The following RANBP2 variants were observed in gnomAD, a reference collection of about 807,000 sequenced individuals.
RANBP2 encodes the protein RAN binding protein 2.
Under a neutral mutation model 303.6 loss-of-function variants are expected in RANBP2, and 57 were observed. The observed-to-expected ratio is 0.19, with a 90% confidence interval of 0.15 to 0.23. The LOEUF is 0.23. Among genes scored for constraint, RANBP2 ranks in the 10% least tolerant of loss-of-function variants. The pLI is 1.00. For missense variants in RANBP2, 3,138 were observed against 3,780.8 expected (o/e 0.83, Z 4.46); for synonymous variants, 1,167 against 1,301.5 (o/e 0.90, Z 2.23).
chr2:109,286,124 GC>G, the RANBP2 span, among the ~76,000 whole-genome samples: 2 of 152,160 alleles, frequency 1.3e-5, no homozygotes, highest in African/African-American at 4.8e-5. Context: ...GACCCTGCAG[GC>G]CTGGTGCTTT....
chr2:108,950,608 C>T, the RANBP2 span, among the ~76,000 whole-genome samples: 1 of 152,220 alleles, frequency 6.6e-6, no homozygotes, highest in Non-Finnish European at 1.5e-5. Context: ...CACCACAAAG[C>T]TCCAAGTCTG....
the RANBP2 span, among the ~76,000 whole-genome samples, chr2:109,402,149 G>C: frequency 6.6e-6 from 1 of 152,248 alleles, no homozygotes; most frequent in African/African-American, 2.4e-5. Flanking sequence ...GTCTGGATGT[G>C]CCCAGAGACC....
chr2:109,090,310 TCA>T, the RANBP2 span, among the ~76,000 whole-genome samples: 3,296 of 109,642 alleles, frequency 0.03, 65 homozygotes, highest in African/African-American at 0.06. Context: ...ACACCTCGCC[TCA>T]CACACACACA....
chr2:109,736,034 A>T, the RANBP2 span, among the ~76,000 whole-genome samples: 1 of 152,234 alleles, frequency 6.6e-6, no homozygotes, highest in African/African-American at 2.4e-5. Flanking sequence ...AGCAGAGCAC[A>T]ATTTCACGTG....
the RANBP2 span, among the ~76,000 whole-genome samples, chr2:108,938,786 T>TTC: frequency 6.1e-5 from 8 of 130,792 alleles, no homozygotes; most frequent in Non-Finnish European, 9.6e-5. Context: ...TAGGACTTCT[T>TTC]CCCCCCCCGC....
At chr2:109,132,670 T>A in the RANBP2 span, among the ~76,000 whole-genome samples, 1 of 152,254 alleles carries the variant, frequency 6.6e-6, no homozygotes, top group African/African-American at 2.4e-5. Flanking sequence ...ATGTGTTACT[T>A]CTTGAAGTGA....
At position 108,766,275 on chromosome 2, in the gene RANBP2, T is replaced by C; in HGVS notation, c.5736T>C (p.Ser1912=). 1 of 1,612,198 alleles carries C rather than the reference T, an allele frequency of 6.2e-7. No individual in the cohort carries two copies. Among genetic ancestry groups the C allele is most frequent in the Non-Finnish European group, 8.5e-7 (1 of 1,179,996 alleles). ...ISEPGNQEKK[S]EKPLENGTGF... ...AACCAGGAAATCAAGAAAAGAAAAG[T>C]GAAAAGCCTCTTGAAAATGGTACTG... The change falls in exon 20 of 29, where the codon AGT becomes AGC. Residue 1912 remains serine, a synonymous_variant. Transcript: ENST00000283195.
the RANBP2 span, among the ~76,000 whole-genome samples, chr2:109,487,019 G>A: frequency 6.6e-5 from 10 of 152,274 alleles, no homozygotes; most frequent in African/African-American, 1.9e-4. Context: ...CAACAGAGAG[G>A]AGTGCAGGCC....
the RANBP2 span, among the ~76,000 whole-genome samples, chr2:109,124,094 T>G: frequency 6.6e-6 from 1 of 152,016 alleles, no homozygotes; most frequent in Non-Finnish European, 1.5e-5. Flanking sequence ...TGCTGCAGCC[T>G]CCACCTCCCG....
At chr2:109,588,619 G>A in the RANBP2 span, among the ~76,000 whole-genome samples, 5 of 151,968 alleles carry the variant, frequency 3.3e-5, no homozygotes, top group Non-Finnish European at 7.4e-5. Context: ...TCAGCCTCAC[G>A]AGTAGCTGGG....
chr2:109,083,027 T>C, the RANBP2 span, among the ~76,000 whole-genome samples: 23 of 150,616 alleles, frequency 1.5e-4, no homozygotes, highest in Admixed American at 1.5e-3. Flanking sequence ...GGGGTTTCGC[T>C]ATGTTAGCCA....
At chr2:109,557,371 CTATT>C in the RANBP2 span, among the ~76,000 whole-genome samples, 7 of 152,188 alleles carry the variant, frequency 4.6e-5, no homozygotes, top group Middle Eastern at 3.4e-3. Flanking sequence ...TTTATGTTGA[CTATT>C]TAATTCCCAC....
the RANBP2 span, among the ~76,000 whole-genome samples, chr2:109,648,532 G>A: frequency 6.6e-6 from 1 of 152,058 alleles, no homozygotes; most frequent in Non-Finnish European, 1.5e-5. Flanking sequence ...TAGTAGAGAT[G>A]GGGTTTCACT....
the RANBP2 span, among the ~76,000 whole-genome samples, chr2:109,488,367 C>T: frequency 6.6e-6 from 1 of 152,214 alleles, no homozygotes; most frequent in Non-Finnish European, 1.5e-5. Context: ...GAGGCAAGGT[C>T]ACCCTCTCAT....
At chr2:109,428,282 T>C in the RANBP2 span, among the ~76,000 whole-genome samples, 1 of 152,276 alleles carries the variant, frequency 6.6e-6, no homozygotes, top group Non-Finnish European at 1.5e-5. Context: ...GCGAAGGCAC[T>C]AAAATACTTT....
At chr2:109,264,149 GC>G in the RANBP2 span, among the ~76,000 whole-genome samples, 12 of 148,676 alleles carry the variant, frequency 8.1e-5, no homozygotes, top group Admixed American at 2.7e-4. Context: ...GTCTGTGGGT[GC>G]CCCCCATCCA....
At chr2:108,934,309 G>A in the RANBP2 span, among the ~76,000 whole-genome samples, 1 of 152,176 alleles carries the variant, frequency 6.6e-6, no homozygotes, top group Non-Finnish European at 1.5e-5. Context: ...ATACAGGCAG[G>A]AGGTGGGCCA....
the RANBP2 span, among the ~76,000 whole-genome samples, chr2:109,669,475 C>T: frequency 6.6e-6 from 1 of 152,038 alleles, no homozygotes; most frequent in African/African-American, 2.4e-5. Flanking sequence ...AACTCAATAC[C>T]AAAAAACCTC....
chr2:109,521,294 C>G, the RANBP2 span, among the ~76,000 whole-genome samples: 1 of 151,972 alleles, frequency 6.6e-6, no homozygotes, highest in East Asian at 1.9e-4. Flanking sequence ...TCAGATGAAG[C>G]CAAGAGGGGC....
Sources: allele counts gnomAD v4.1 joint callset (sites outside exome capture counted in the v4.1 genomes callset), GRCh38; gene constraint gnomAD v4.1.1; transcripts MANE v1.5; gene names NCBI Gene and HGNC (gene_info 2026-07-23, HGNC 2026-07-21).